SNX29: variants seen among roughly 807,000 people sequenced by gnomAD.
SNX29 encodes sorting nexin-29.
A neutral mutation model predicts 102.1 loss-of-function variants in SNX29; 78 were observed. The ratio of observed to expected loss-of-function variants is 0.76; its 90% CI spans 0.64 to 0.92. The LOEUF (loss-of-function observed/expected upper bound fraction) is 0.92. SNX29 is among the 40% of genes least tolerant of loss of function. SNX29 has a pLI of 0.00. For missense variants in SNX29, 1,280 were observed against 1,061.7 expected (o/e 1.21, Z -2.86); for synonymous variants, 580 against 414.5 (o/e 1.40, Z -4.85).
intron 18 of SNX29, among the ~76,000 whole-genome samples, chr16:12,425,700 T>C (rs986801964): frequency 7.2e-5 from 11 of 152,092 alleles, no homozygotes; most frequent in Non-Finnish European, 2.9e-5. Context: ...AAATAGAGTG[T>C]GTCCTGGAGT....
At chr16:12,158,185 T>G (rs1468278967) in intron 13 of SNX29, among the ~76,000 whole-genome samples, 2 of 152,014 alleles carry the variant, frequency 1.3e-5, no homozygotes, top group African/African-American at 4.8e-5. Context: ...TAGAGCACTT[T>G]TAATTTTTTT....
At chr16:11,999,117 T>G (rs2056194253) in intron 1 of SNX29, among the ~76,000 whole-genome samples, 180 bp from the exon 2 acceptor site, 1 of 152,210 alleles carries the variant, frequency 6.6e-6, no homozygotes, top group South Asian at 2.1e-4. Context: ...GAAAATTAGT[T>G]TAGCTGTTTT....
At chr16:12,221,951 G>A (rs1373527383) in intron 14 of SNX29, among the ~76,000 whole-genome samples, 3 of 152,178 alleles carry the variant, frequency 2.0e-5, no homozygotes, top group East Asian at 1.9e-4. Flanking sequence ...CAGCAGTGAC[G>A]AGCAAGTGAG....
At chr16:12,374,070 G>A (rs1372680710) in intron 16 of SNX29, among the ~76,000 whole-genome samples, 1 of 152,208 alleles carries the variant, frequency 6.6e-6, no homozygotes, top group Non-Finnish European at 1.5e-5. Context: ...GGCTAGCAGA[G>A]GTTTGGCCCT....
chr16:12,289,449 C>A (rs955392628), intron 15 of SNX29, among the ~76,000 whole-genome samples: 1 of 152,208 alleles, frequency 6.6e-6, no homozygotes, highest in Non-Finnish European at 1.5e-5. Flanking sequence ...CTTTTGATTT[C>A]TCTCACAGAA....
intron 3 of SNX29, among the ~76,000 whole-genome samples, chr16:12,015,005 T>C (rs2056800691): frequency 6.6e-6 from 1 of 152,056 alleles, no homozygotes; most frequent in South Asian, 2.1e-4. Flanking sequence ...GTCCCGTTTT[T>C]TCTGTCCTGT....
intron 1 of SNX29, among the ~76,000 whole-genome samples, chr16:11,982,498 C>T (rs544630147): frequency 2.0e-5 from 3 of 147,250 alleles, no homozygotes; most frequent in South Asian, 2.2e-4. Context: ...GATGCGATCT[C>T]GGCTCACTGC....
chr16:12,030,235 T>A lies in SNX29; in HGVS notation c.247+2791T>A, dbSNP rs567733346. Among the ~76,000 whole-genome samples, 4 of 152,368 alleles carry A rather than the reference T, an allele frequency of 2.6e-5. No homozygotes were observed. The South Asian group carries it at 8.3e-4, about 32-fold the overall frequency. On this transcript the variant is annotated intron_variant, in intron 4 of 20. Transcript: ENST00000566228. The stretch of plus-strand genomic sequence containing the variant: ...TTGTTTCTATGCATACTGTTTGGAT[T>A]CCTTGGTGAAGTTGCTCTGTATGTG...
Position 12,127,276 on chromosome 16 carries a change from T to A in SNX29, c.1466+580T>A, listed in dbSNP as rs541533383. Among the ~76,000 whole-genome samples the A allele has an allele frequency of 1.3e-4, 20 of 151,204 alleles. No homozygotes were observed. In the East Asian group the frequency reaches 1.4e-3, roughly 10 times the overall value. On this transcript the variant is annotated intron_variant, in intron 12 of 20. Transcript: ENST00000566228. ...TCTGTCTCAAAAAAAAAAAATAAAA[T>A]AAAATAAAAAAATAAATGAAGTGTG...
intron 20 of SNX29, among the ~76,000 whole-genome samples, chr16:12,540,893 G>T (rs1019670503): frequency 6.6e-6 from 1 of 152,214 alleles, no homozygotes; most frequent in Non-Finnish European, 1.5e-5. Flanking sequence ...CCCAGAGCTG[G>T]AGGGCTTCTC....
chr16:12,105,306 C>G (rs1596899589), intron 11 of SNX29, among the ~76,000 whole-genome samples: 2 of 147,598 alleles, frequency 1.4e-5, no homozygotes, highest in South Asian at 4.5e-4. Flanking sequence ...CTCACTGCAA[C>G]CTCTGCCTCC....
intron 15 of SNX29, among the ~76,000 whole-genome samples, chr16:12,292,686 G>A (rs1433618446): frequency 6.6e-6 from 1 of 152,196 alleles, no homozygotes; most frequent in East Asian, 1.9e-4. Flanking sequence ...GACTCCAGGT[G>A]CCCCGCCATT....
intron 18 of SNX29, among the ~76,000 whole-genome samples, chr16:12,404,442 C>T (rs1301546125): frequency 6.6e-6 from 1 of 152,132 alleles, no homozygotes; most frequent in Non-Finnish European, 1.5e-5. Context: ...CTCTGATTTC[C>T]AGGCTTTGGT....
chr16:12,530,876 A>C (rs1336638974), intron 20 of SNX29, among the ~76,000 whole-genome samples: 1 of 152,086 alleles, frequency 6.6e-6, no homozygotes, highest in African/African-American at 2.4e-5. Context: ...ATTTAATAAA[A>C]CTGGCTCAGT....
At chr16:12,563,922 C>G (rs745699947) in intron 20 of SNX29, among the ~76,000 whole-genome samples, 5 of 152,234 alleles carry the variant, frequency 3.3e-5, no homozygotes, top group Non-Finnish European at 7.3e-5. Flanking sequence ...CGAAGACCTA[C>G]AATACCTAGA....
chr16:12,221,760 G>A (rs1200583229), intron 14 of SNX29, among the ~76,000 whole-genome samples: 1 of 152,188 alleles, frequency 6.6e-6, no homozygotes, highest in Non-Finnish European at 1.5e-5. Flanking sequence ...AAATTGTGGC[G>A]CCCAGGGCCC....
At chr16:12,088,469 T>C (rs2052327673) in intron 11 of SNX29, among the ~76,000 whole-genome samples, 2 of 152,104 alleles carry the variant, frequency 1.3e-5, no homozygotes, top group African/African-American at 4.8e-5. Context: ...CCAGCCCTCA[T>C]TTATATGGGA....
rs576547503 is a variant in SNX29 at position 12,567,377 on chromosome 16, A to T, written c.2319-1129A>T. On this transcript the variant is annotated intron_variant, in intron 20 of 20. Coordinates refer to ENST00000566228, the MANE Select transcript of SNX29 (RefSeq NM_032167.5). The stretch of plus-strand genomic sequence containing the variant: ...TTTTTGCCTTGTTTTAAAACATTTT[A>T]TCCCAGTGAGGTATTTACTTCCTAT... Among the ~76,000 whole-genome samples, 7 of 152,332 alleles carry T rather than the reference A, an allele frequency of 4.6e-5. No individual in the cohort carries two copies. The South Asian group carries it at 6.2e-4, about 14-fold the overall frequency.
intron 19 of SNX29, among the ~76,000 whole-genome samples, chr16:12,505,590 C>T (rs971013138): frequency 6.6e-6 from 1 of 152,092 alleles, no homozygotes; most frequent in African/African-American, 2.4e-5. Flanking sequence ...TATAGTGAAG[C>T]AGATTCGCAT....
Sources: allele counts gnomAD v4.1 joint callset (sites outside exome capture counted in the v4.1 genomes callset), GRCh38; gene constraint gnomAD v4.1.1; transcripts MANE v1.5; gene names NCBI Gene and HGNC (gene_info 2026-07-23, HGNC 2026-07-21).